GFM2: variants seen among roughly 807,000 people sequenced by gnomAD.
GFM2 encodes the protein ribosome-releasing factor 2, mitochondrial.
Under a neutral mutation model 95.4 loss-of-function variants are expected in GFM2, and 72 were observed. The ratio of observed to expected loss-of-function variants is 0.76; its 90% confidence interval spans 0.62 to 0.92. The LOEUF is 0.92. GFM2 is among the 40% of genes least tolerant of loss of function. The pLI, the probability that GFM2 is intolerant of heterozygous loss-of-function variation, is 0.00. For missense variants in GFM2, 825 were observed against 924.1 expected, an observed-to-expected ratio of 0.89 and a Z score of 1.39; for synonymous variants, 276 against 317.5, an observed-to-expected ratio of 0.87 and a Z score of 1.39.
intron 19 of GFM2, among the ~76,000 whole-genome samples, chr5:74,722,871 T>A (rs1749976831): frequency 6.6e-6 from 1 of 152,100 alleles, no homozygotes; most frequent in Admixed American, 6.5e-5. Flanking sequence ...TTTCTGTTCC[T>A]GATGTCTATA....
chr5:74,721,897 A>G (rs1413499563), intron 20 of GFM2, 114 bp from the exon 21 acceptor site: 2 of 939,240 alleles, frequency 2.1e-6, no homozygotes, highest in Non-Finnish European at 3.1e-6. Context: ...TTTGTGGCTT[A>G]GCCATATCAC....
chr5:74,762,026 AG>A (rs1485369540), intron 2 of GFM2, among the ~76,000 whole-genome samples: 1 of 152,222 alleles, frequency 6.6e-6, no homozygotes, highest in Non-Finnish European at 1.5e-5. Context: ...ATAGTCTGAA[AG>A]CGTCAGCAAT....
intron 17 of GFM2, among the ~76,000 whole-genome samples, chr5:74,729,063 C>G (rs1750291789): frequency 1.3e-5 from 2 of 152,076 alleles, no homozygotes; most frequent in South Asian, 4.1e-4. Context: ...TGTGTGGCAT[C>G]TGAGGCCTGG....
At chr5:74,730,602 C>T (rs1742511748) in intron 16 of GFM2, 1 of 376,090 alleles carries the variant, frequency 2.7e-6, no homozygotes, top group Non-Finnish European at 4.7e-6. Flanking sequence ...AATGAATTAC[C>T]TGGCCATTCT....
rs954555787 is a variant in GFM2, at chr5:74,766,964, C to G, written c.-51G>C. ...TGGCATTAGGCCGCGTGCCGCAGGC[C>G]AGCTCTCACCGCTGGGCTCTTGAAG... On this transcript the variant is annotated 5_prime_UTR_variant, in exon 1 of 21. Transcript: ENST00000296805. 1 of 200,174 alleles carries G rather than the reference C, an allele frequency of 5.0e-6. No homozygotes were observed. Among genetic ancestry groups the G allele is most frequent in the South Asian group, 8.1e-5 (1 of 12,324 alleles). 12.4% of individuals were successfully genotyped at this position (200,174 alleles called of 1,614,324 possible).
In GFM2 at chr5:74,763,697, G is replaced by T. The variant is rs1330925242; in HGVS notation, c.46C>A (p.Pro16Thr). 3.2e-6 allele frequency: 5 copies of T among 1,586,584 alleles called. No homozygotes were observed. Among genetic ancestry groups the T allele is most frequent in the Non-Finnish European group, 4.3e-6 (5 of 1,155,678 alleles). ...ATGCTTACATTAATATACACACTGG[G>T]TATTGTCTGATGACTCATTGCAAAT... The part of the protein sequence containing the change: ...RIFAMSHQTI[P>T]SVYINNICCY... The change falls in exon 2 of 21, where the codon CCC (proline) becomes ACC (threonine). Residue 16 changes from proline to threonine, a missense_variant. Physicochemically the swap from Pro to Thr is conservative, Grantham distance 38. Coordinates refer to ENST00000296805, the MANE Select transcript of GFM2 (RefSeq NM_032380.5).
At position 74,721,772 on chromosome 5, in the gene GFM2, A is replaced by C. The variant is rs771790901; in HGVS notation, c.2223T>G (p.Thr741=). 4 of 1,612,078 alleles carry C rather than the reference A, an allele frequency of 2.5e-6. No individual in the cohort carries two copies. In the Admixed American group the frequency reaches 5.0e-5, roughly 20 times the overall value. ...AGCCTGATGTTAGCGTTCGAAGCAC[A>C]GTTGAATAACCCTAATCAAAATAAT... The part of the protein sequence containing the change: ...VPLAEIMGYS[T]VLRTLTSGSA... The change falls in exon 21 of 21, where the codon ACT becomes ACG. Residue 741 remains threonine, a synonymous_variant. Coordinates refer to ENST00000296805, the MANE Select transcript of GFM2 (RefSeq NM_032380.5).
At chr5:74,728,368 CTATT>C (rs1313174403) in intron 17 of GFM2, among the ~76,000 whole-genome samples, 1 of 152,014 alleles carries the variant, frequency 6.6e-6, no homozygotes, top group Non-Finnish European at 1.5e-5. Context: ...AATATATTTA[CTATT>C]TATTAAGTAA....
intron 15 of GFM2, 134 bp downstream of exon 15, chr5:74,736,662 C>A: frequency 1.4e-6 from 2 of 1,465,336 alleles, no homozygotes; most frequent in East Asian, 2.4e-5. Context: ...CAAGACCAAC[C>A]ACAAGAAATG....
intron 15 of GFM2, among the ~76,000 whole-genome samples, chr5:74,735,936 T>C (rs1742810876): frequency 6.6e-6 from 1 of 152,198 alleles, no homozygotes; most frequent in Non-Finnish European, 1.5e-5. Context: ...GGCTGCCATA[T>C]GTCTCAGTGC....
At chr5:74,723,856 T>G (rs1750030294) in intron 19 of GFM2, among the ~76,000 whole-genome samples, 1 of 152,194 alleles carries the variant, frequency 6.6e-6, no homozygotes, top group South Asian at 2.1e-4. Context: ...CCTACTACTT[T>G]CATGGCATTC....
At chr5:74,764,970 G>C in intron 1 of GFM2, 1 of 218,876 alleles carries the variant, frequency 4.6e-6, no homozygotes, top group East Asian at 1.3e-4. Context: ...ATTTTTAGTA[G>C]AGACGGGGTT....
At chr5:74,763,827 A>G (rs781572693) in intron 1 of GFM2, 61 bp from the exon 2 acceptor site, 105 of 959,020 alleles carry the variant, frequency 1.1e-4, no homozygotes, top group Admixed American at 2.7e-4. Flanking sequence ...TCAGCAAGGC[A>G]TATGTAAGTT....
chr5:74,726,684 C>T (rs1750163851), intron 17 of GFM2, among the ~76,000 whole-genome samples: 1 of 152,080 alleles, frequency 6.6e-6, no homozygotes, highest in Non-Finnish European at 1.5e-5. Context: ...CCAACAATCT[C>T]CAATATTTTA....
rs1241615826 is a variant in GFM2, at chr5:74,763,983, CTTAT to C, written c.-24-221_-24-218del. On this transcript the variant is annotated intron_variant, in intron 1 of 20. Coordinates refer to ENST00000296805, the MANE Select transcript of GFM2 (RefSeq NM_032380.5). ...TATGGTTTTTAGGTTTAAAATGTCC[CTTAT>C]TTGTCAATGTAATGTTTAAAGAAAG... 5.9e-5 allele frequency among the ~76,000 whole-genome samples: 9 copies of C among 151,544 alleles called. No individual in the cohort carries two copies. The East Asian group carries it at 7.7e-4, about 13-fold the overall frequency.
chr5:74,760,081 T>C (rs908898212), intron 3 of GFM2, among the ~76,000 whole-genome samples: 2 of 152,180 alleles, frequency 1.3e-5, no homozygotes, highest in Non-Finnish European at 2.9e-5. Flanking sequence ...AACAAGGCAG[T>C]TACATTTGTA....
At chr5:74,730,198 C>T (rs1742482860) in intron 17 of GFM2, 62 bp downstream of exon 17, 1 of 1,481,560 alleles carries the variant, frequency 6.7e-7, no homozygotes, top group Non-Finnish European at 9.1e-7. Context: ...CTTTCAGCAA[C>T]TAAATAGAGA....
intron 3 of GFM2, among the ~76,000 whole-genome samples, chr5:74,760,507 C>T (rs1744223475): frequency 1.3e-5 from 2 of 152,154 alleles, no homozygotes; most frequent in South Asian, 4.1e-4. Context: ...AAATACTTAG[C>T]CAAACTACTT....
intron 19 of GFM2, chr5:74,724,951 A>T (rs1750080050): frequency 6.6e-6 from 1 of 152,370 alleles, no homozygotes; most frequent in African/African-American, 2.4e-5. Flanking sequence ...ACTTAAGGAC[A>T]AACTCCCCAG....
Sources: allele counts gnomAD v4.1 joint callset (sites outside exome capture counted in the v4.1 genomes callset), GRCh38; gene constraint gnomAD v4.1.1; transcripts MANE v1.5; gene names NCBI Gene and HGNC (gene_info 2026-07-23, HGNC 2026-07-21).